Variants in LRRC46 observed in about 807,000 individuals in gnomAD.
The protein encoded by LRRC46 is leucine-rich repeat-containing protein 46.
A neutral mutation model predicts 28.0 loss-of-function variants in LRRC46; 20 were observed. The observed-to-expected ratio is 0.71, with a 90% CI of 0.50 to 1.04. LRRC46 has a LOEUF of 1.04. LRRC46 is among the 50% of genes least tolerant of loss of function. The pLI is 0.00. For missense variants in LRRC46, 315 were observed against 390.1 expected (o/e 0.81, Z 1.62); for synonymous variants, 156 against 158.8 (o/e 0.98, Z 0.13).
At position 47,836,127 on chromosome 17, in the gene LRRC46, A is replaced by C; in HGVS notation, c.452+25A>C. The C allele has an allele frequency of 6.2e-7, 1 of 1,613,228 alleles. No homozygotes were observed. The highest frequency in any genetic ancestry group is 1.3e-5 in the African/African-American group (1 of 74,984). ...GGTAAGGAGTGGAGGGTGGGAAGAA[A>C]GGTCATGGCTGAGCTCTACCTGCTA... On this transcript the variant is annotated intron_variant, in intron 6 of 7. Transcript: ENST00000269025. This position sits in a 1 kb window ranked among gnomAD's most constrained non-coding sequence, Gnocchi z 5.8.
chr17:47,831,874 A>T lies in LRRC46; in HGVS notation c.-116A>T. On this transcript the variant is annotated 5_prime_UTR_variant, in exon 1 of 8. In the 5' UTR this introduces an upstream ATG that the reference lacks. Coordinates refer to ENST00000269025, the MANE Select transcript of LRRC46 (RefSeq NM_033413.4). ...ATCAACCCCCTTTCCTCCTCTCCTA[A>T]GTCTCTGAGTTTCTCTCTCCTCCTG... 7.2e-7 allele frequency: 1 copy of T among 1,380,936 alleles called. No homozygotes were observed. The highest frequency in any genetic ancestry group is 1.0e-6 in the Non-Finnish European group (1 of 981,640). 85.5% of individuals were successfully genotyped at this position (1,380,936 alleles called of 1,614,324 possible).
rs956125855 is a variant in LRRC46, at chr17:47,831,750, C to T, written c.-240C>T. 3 of 640,336 alleles carry T rather than the reference C, an allele frequency of 4.7e-6. No individual in the cohort carries two copies. Among genetic ancestry groups the T allele is most frequent in the African/African-American group, 3.7e-5 (2 of 54,466 alleles). The allele number at this position is 640,336 out of a possible 1,614,324, so 39.7% of individuals were successfully genotyped here. On this transcript the variant is annotated 5_prime_UTR_variant, in exon 1 of 8. Transcript: ENST00000269025. ...TCAACCATTCCTGCCCACAACACCC[C>T]AGCTTGCTGCCAGCAAAGCCCCTCC...
intron 3 of LRRC46, 49 bp from the exon 4 acceptor site, chr17:47,835,304 G>A: frequency 6.3e-7 from 1 of 1,599,892 alleles, no homozygotes; most frequent in Non-Finnish European, 8.6e-7. Context: ...AAGGGCCCCT[G>A]ACGCATCTGA....
intron 3 of LRRC46, 61 bp downstream of exon 3, chr17:47,834,594 T>C: frequency 8.7e-7 from 1 of 1,154,222 alleles, no homozygotes; most frequent in Non-Finnish European, 1.3e-6. Flanking sequence ...CTGTCTCATC[T>C]GAAAGGAGCC....
chr17:47,835,804 A>G, intron 5 of LRRC46, 29 bp downstream of exon 5: 1 of 1,587,570 alleles, frequency 6.3e-7, no homozygotes, highest in East Asian at 2.2e-5. Flanking sequence ...TGGCTCACCA[A>G]ACACATCCCC....
At chr17:47,834,692 T>C (rs1221236522) in intron 3 of LRRC46, 159 bp downstream of exon 3, 6 of 550,414 alleles carry the variant, frequency 1.1e-5, no homozygotes, top group East Asian at 3.1e-5. Flanking sequence ...GGGTCCTGAA[T>C]TGAAAAACTA....
chr17:47,831,837 A>G lies in LRRC46; in HGVS notation c.-153A>G. ...CTGTTTTCTTCGACCTCACCCCAGC[A>G]ATTTTCTCTGAATCAACCCCCTTTC... is the stretch of plus-strand genomic sequence containing the variant. On this transcript the variant is annotated 5_prime_UTR_variant, in exon 1 of 8. Coordinates refer to ENST00000269025, the MANE Select transcript of LRRC46 (RefSeq NM_033413.4). 8 of 975,184 alleles carry G rather than the reference A, an allele frequency of 8.2e-6. No individual in the cohort carries two copies. Among genetic ancestry groups the G allele is most frequent in the Non-Finnish European group, 1.1e-5 (7 of 645,152 alleles). The allele number at this position is 975,184 out of a possible 1,614,324, so 60.4% of individuals were successfully genotyped here.
In LRRC46 at chr17:47,837,467, A is replaced by C. The variant is rs1598047176; in HGVS notation, c.*347A>C. On this transcript the variant is annotated 3_prime_UTR_variant, in exon 8 of 8. Transcript: ENST00000269025. The stretch of plus-strand genomic sequence containing the variant: ...TGCCATCTCACTGCCACCCCTAGCG[A>C]GTGCCCTTCCCCGGTCCAAGCCAAG... 5.0e-6 allele frequency: 2 copies of C among 403,262 alleles called. No individual in the cohort carries two copies. The highest frequency in any genetic ancestry group is 1.1e-4 in the East Asian group (2 of 17,582). The allele number at this position is 403,262 out of a possible 1,614,324, so 25.0% of individuals were successfully genotyped here.
rs1292373870 is a variant in LRRC46 at position 47,832,013 on chromosome 17, T to C, written c.10+14T>C. The C allele has an allele frequency of 6.2e-7, 1 of 1,613,242 alleles. No homozygotes were observed. The highest frequency in any genetic ancestry group is 1.7e-5 in the Admixed American group (1 of 59,932). On this transcript the variant is annotated intron_variant, in intron 1 of 7. Coordinates refer to ENST00000269025, the MANE Select transcript of LRRC46 (RefSeq NM_033413.4). ...TCATGTCTGGAGGTGAGTAGGGAGG[T>C]GGGACGGTGGGTAGAGCAGTTGGAA...
At position 47,836,934 on chromosome 17, in the gene LRRC46, A is replaced by C. The variant is rs2033706194; in HGVS notation, c.780A>C (p.Thr260=). Residue 260 remains threonine, a synonymous_variant, in exon 8 of 8, where the codon ACA becomes ACC. Coordinates refer to ENST00000269025, the MANE Select transcript of LRRC46 (RefSeq NM_033413.4). This position sits in a 1 kb window ranked among gnomAD's most constrained non-coding sequence, Gnocchi z 5.8. ...CCACTCCTGCGCAAGGGGAGGAGAC[A>C]GTCCCTGAGGCCGTCTCCTCACCCC... The part of the protein sequence containing the change: ...PSATPAQGEE[T]VPEAVSSPQA... 1 of 1,613,770 alleles carries C rather than the reference A, an allele frequency of 6.2e-7. No homozygotes were observed. Among genetic ancestry groups the C allele is most frequent in the Non-Finnish European group, 8.5e-7 (1 of 1,179,950 alleles).
chr17:47,833,457 T>G (rs55791443), intron 2 of LRRC46, among the ~76,000 whole-genome samples: 40,534 of 149,784 alleles, frequency 0.27, 6,834 homozygotes, highest in Non-Finnish European at 0.38. Flanking sequence ...TATTTTTTTT[T>G]TTTTTTTTTG....
At chr17:47,835,457 C>G in intron 4 of LRRC46, 58 bp downstream of exon 4, 2 of 1,591,940 alleles carry the variant, frequency 1.3e-6, no homozygotes, top group Admixed American at 3.3e-5. Context: ...TAGCCATATC[C>G]CAAAGAACTG....
chr17:47,836,856 C>T lies in LRRC46; in HGVS notation c.702C>T (p.Thr234=), dbSNP rs1242729543. 1.9e-5 allele frequency: 31 copies of T among 1,613,850 alleles called. No homozygotes were observed. The highest frequency in any genetic ancestry group is 2.5e-5 in the Non-Finnish European group (29 of 1,180,022). The part of the protein sequence containing the change: ...LLRMEMQPTL[T]DLPLLPGVPM... ...GGATGGAGATGCAGCCCACCCTCACCGACCTGCCCCTGCTACCTGGGGTGC... is the reference window on the plus strand; with the variant it reads ...GGATGGAGATGCAGCCCACCCTCACTGACCTGCCCCTGCTACCTGGGGTGC... Residue 234 remains threonine, a synonymous_variant, in exon 8 of 8, where the codon ACC becomes ACT. Coordinates refer to ENST00000269025, the MANE Select transcript of LRRC46 (RefSeq NM_033413.4). The surrounding 1 kb of genome is among the most constrained non-coding windows in gnomAD (Gnocchi z 5.8).
At chr17:47,835,574 A>G (rs2033684142) in intron 4 of LRRC46, 92 bp from the exon 5 acceptor site, 1 of 1,427,040 alleles carries the variant, frequency 7.0e-7, no homozygotes, top group Non-Finnish European at 9.8e-7. Context: ...TCAGCTGCCT[A>G]GCCCAGGGGC....
Position 47,836,991 on chromosome 17 carries a change from T to G in LRRC46, c.837T>G (p.Ser279Arg). The change falls in exon 8 of 8, where the codon AGT becomes AGG. Residue 279 changes from serine to arginine, a missense_variant. Ser to Arg is a moderately radical substitution (Grantham distance 110). Coordinates refer to ENST00000269025, the MANE Select transcript of LRRC46 (RefSeq NM_033413.4). This position sits in a 1 kb window ranked among gnomAD's most constrained non-coding sequence, Gnocchi z 5.8. ...CCTCTCCCACCAAGAAACCATGCAG[T>G]CTGATTCCCAGGGGCCACCAAAGCT... Reference protein sequence around the residue: ...QASSPTKKPCSLIPRGHQSSF... With the variant: ...QASSPTKKPCRLIPRGHQSSF... 1 of 1,611,646 alleles carries G rather than the reference T, an allele frequency of 6.2e-7. No homozygotes were observed. The highest frequency in any genetic ancestry group is 8.5e-7 in the Non-Finnish European group (1 of 1,179,354).
Position 47,835,180 on chromosome 17 carries a change from G to T in LRRC46, c.226-173G>T, listed in dbSNP as rs1045331846. ...ACCCTTAACCATCCACATGGGGAAAGAAAATCATCTTTCTTAAGGTAGTGG... is the reference window on the plus strand; with the variant it reads ...ACCCTTAACCATCCACATGGGGAAATAAAATCATCTTTCTTAAGGTAGTGG... On this transcript the variant is annotated intron_variant, in intron 3 of 7. Transcript: ENST00000269025. 5.8e-5 allele frequency: 43 copies of T among 740,770 alleles called. No individual in the cohort carries two copies. In the East Asian group the frequency reaches 1.0e-3, roughly 18 times the overall value. 45.9% of individuals were successfully genotyped at this position (740,770 alleles called of 1,614,324 possible). A position where few individuals can be genotyped will look rare whatever the true frequency, so the allele number is the denominator to read the frequency against.
chr17:47,831,864 T>C lies in LRRC46; in HGVS notation c.-126T>C. 7.9e-7 allele frequency: 1 copy of C among 1,266,464 alleles called. No homozygotes were observed. The highest frequency in any genetic ancestry group is 1.1e-6 in the Non-Finnish European group (1 of 888,752). The allele number at this position is 1,266,464 out of a possible 1,614,324, so 78.5% of individuals were successfully genotyped here. A position where few individuals can be genotyped will look rare whatever the true frequency, so the allele number is the denominator to read the frequency against. On this transcript the variant is annotated 5_prime_UTR_variant, in exon 1 of 8. Coordinates refer to ENST00000269025, the MANE Select transcript of LRRC46 (RefSeq NM_033413.4). ...TTTTCTCTGAATCAACCCCCTTTCC[T>C]CCTCTCCTAAGTCTCTGAGTTTCTC...
Position 47,831,984 on chromosome 17 carries a change from T to C in LRRC46, c.-6T>C, listed in dbSNP as rs1227455920. On this transcript the variant is annotated 5_prime_UTR_variant, in exon 1 of 8. Transcript: ENST00000269025. ...GCCTCAGACCAGCAGCCTTTTATTT[T>C]AGATCATGTCTGGAGGTGAGTAGGG... 6.2e-7 allele frequency: 1 copy of C among 1,613,570 alleles called. No individual in the cohort carries two copies. Among genetic ancestry groups the C allele is most frequent in the Non-Finnish European group, 8.5e-7 (1 of 1,180,012 alleles).
Position 47,836,793 on chromosome 17 carries a change from G to A in LRRC46, c.639G>A (p.Glu213=), listed in dbSNP as rs955824240. 3.1e-6 allele frequency: 5 copies of A among 1,613,894 alleles called. No homozygotes were observed. Among genetic ancestry groups the A allele is most frequent in the Non-Finnish European group, 4.2e-6 (5 of 1,179,978 alleles). The change falls in exon 8 of 8, where the codon GAG becomes GAA. Residue 213 remains glutamate, a synonymous_variant. Coordinates refer to ENST00000269025, the MANE Select transcript of LRRC46 (RefSeq NM_033413.4). This position sits in a 1 kb window ranked among gnomAD's most constrained non-coding sequence, Gnocchi z 5.8. ...ELEQELSRHR[E]HRQQTALTEH... is the part of the protein sequence containing the mutation. ...AGCAGGAGCTGAGCAGGCACAGGGA[G>A]CACCGGCAACAGACGGCCCTGACAG... is the stretch of plus-strand genomic sequence containing the variant.
Sources: gnomAD v4.1 joint callset for allele counts (sites outside exome capture counted in the v4.1 genomes callset) on GRCh38, gnomAD v4.1.1 for gene constraint, Gnocchi (gnomAD v3.1) non-coding constraint, MANE v1.5 for transcripts, NCBI Gene and HGNC (gene_info 2026-07-23, HGNC 2026-07-21) for gene names.